The following ADGRL2 variants were observed in gnomAD, a reference collection of about 807,000 sequenced individuals.
The protein encoded by ADGRL2 is adhesion G protein-coupled receptor L2.
ADGRL2 carries 44 observed loss-of-function variants against 157.4 expected under a neutral mutation model. The ratio of observed to expected loss-of-function variants is 0.28; its 90% CI spans 0.22 to 0.36. The LOEUF (loss-of-function observed/expected upper bound fraction) is 0.36, where lower values mean the gene tolerates loss of function less well. ADGRL2 is among the 10% of genes least tolerant of loss of function. The pLI is 1.00. For missense variants in ADGRL2, 1,510 were observed against 1,768.9 expected, an observed-to-expected ratio of 0.85 and a Z score of 2.63; for synonymous variants, 585 against 624.7, an observed-to-expected ratio of 0.94 and a Z score of 0.95.
chr1:81,542,162 G>A (rs762932854), intron 2 of ADGRL2, among the ~76,000 whole-genome samples: 15 of 152,130 alleles, frequency 9.9e-5, no homozygotes, highest in South Asian at 4.1e-4. Flanking sequence ...TTCTCGCCCC[G>A]TACCACAGGT....
At chr1:81,573,293 G>A (rs1037781845) in intron 2 of ADGRL2, among the ~76,000 whole-genome samples, 3 of 151,972 alleles carry the variant, frequency 2.0e-5, no homozygotes, top group African/African-American at 4.8e-5. Context: ...GCCAAAAGAC[G>A]AGTAGATGAA....
intron 1 of ADGRL2, among the ~76,000 whole-genome samples, chr1:81,444,629 G>C (rs1340656542): frequency 6.6e-6 from 1 of 152,102 alleles, no homozygotes; most frequent in Non-Finnish European, 1.5e-5. Flanking sequence ...TCCAATGGTT[G>C]GCCTGCACGT....
chr1:81,322,159 C>T (rs12754559), intron 1 of ADGRL2, among the ~76,000 whole-genome samples: 12 of 137,718 alleles, frequency 8.7e-5, no homozygotes, highest in African/African-American at 3.2e-4. Context: ...CATATACATA[C>T]ACACATATGT....
chr1:81,931,575 A>G (rs910299261), intron 3 of ADGRL2, among the ~76,000 whole-genome samples: 35 of 152,288 alleles, frequency 2.3e-4, no homozygotes, highest in African/African-American at 8.2e-4. Flanking sequence ...AAAAATGATT[A>G]TATGTTTAGA....
intron 2 of ADGRL2, among the ~76,000 whole-genome samples, chr1:81,453,311 G>A (rs774878319): frequency 3.3e-5 from 5 of 152,066 alleles, no homozygotes; most frequent in Middle Eastern, 3.2e-3. Flanking sequence ...TCTGGAAATT[G>A]CGTTGGCACC....
intron 1 of ADGRL2, among the ~76,000 whole-genome samples, chr1:81,326,716 G>A (rs1660925110): frequency 1.3e-5 from 2 of 152,190 alleles, no homozygotes; most frequent in African/African-American, 4.8e-5. Context: ...TTTCTCCACA[G>A]CAGAAATACT....
At chr1:81,802,574 T>A (rs1021687736) in intron 1 of ADGRL2, among the ~76,000 whole-genome samples, 1 of 152,136 alleles carries the variant, frequency 6.6e-6, no homozygotes, top group African/African-American at 2.4e-5. Context: ...ATGCATTTTT[T>A]AATTTCATAA....
intron 2 of ADGRL2, among the ~76,000 whole-genome samples, chr1:81,574,433 A>G (rs1474701940): frequency 6.6e-6 from 1 of 152,150 alleles, no homozygotes; most frequent in Non-Finnish European, 1.5e-5. Flanking sequence ...CATGGATTAA[A>G]ATTCAATACC....
intron 1 of ADGRL2, among the ~76,000 whole-genome samples, chr1:81,442,425 A>T (rs758171625): frequency 6.6e-6 from 1 of 152,226 alleles, no homozygotes; most frequent in Non-Finnish European, 1.5e-5. Context: ...TTAAAATTAC[A>T]TCTATTACCT....
chr1:81,384,703 A>G (rs939646317), intron 1 of ADGRL2, among the ~76,000 whole-genome samples: 3 of 152,148 alleles, frequency 2.0e-5, no homozygotes, highest in African/African-American at 7.2e-5. Flanking sequence ...ACATTTGAAT[A>G]CCTTCTGATC....
At chr1:81,967,355 G>A (rs1019522837) in intron 13 of ADGRL2, among the ~76,000 whole-genome samples, 3 of 151,108 alleles carry the variant, frequency 2.0e-5, no homozygotes, top group Non-Finnish European at 4.4e-5. Flanking sequence ...TCCACCTCCC[G>A]GGTTCACGCC....
intron 2 of ADGRL2, among the ~76,000 whole-genome samples, chr1:81,777,679 C>G (rs758305684): frequency 6.6e-6 from 1 of 152,108 alleles, no homozygotes; most frequent in South Asian, 2.1e-4. Flanking sequence ...GAGAGGATCA[C>G]CTGAGCTCAG....
At chr1:81,780,741 A>G (rs2086778809) in intron 2 of ADGRL2, among the ~76,000 whole-genome samples, 1 of 152,180 alleles carries the variant, frequency 6.6e-6, no homozygotes, top group Non-Finnish European at 1.5e-5. Flanking sequence ...TTAATGATTT[A>G]ATCTGTAGGT....
chr1:81,341,371 C>CT (rs1256530629), intron 1 of ADGRL2, among the ~76,000 whole-genome samples: 2 of 152,106 alleles, frequency 1.3e-5, no homozygotes, highest in Non-Finnish European at 2.9e-5. Context: ...CATGTCATCT[C>CT]TGTGGCCTCT....
chr1:81,964,323 G>A (rs1656409615), intron 11 of ADGRL2, among the ~76,000 whole-genome samples: 2 of 152,040 alleles, frequency 1.3e-5, no homozygotes, highest in Admixed American at 6.5e-5. Flanking sequence ...AGATATGAAA[G>A]CTTCTTTCAA....
intron 1 of ADGRL2, among the ~76,000 whole-genome samples, chr1:81,756,954 G>A (rs2085713410): frequency 6.6e-6 from 1 of 152,120 alleles, no homozygotes; most frequent in Non-Finnish European, 1.5e-5. Context: ...ATGACATAAG[G>A]AAACGTTCAT....
intron 2 of ADGRL2, among the ~76,000 whole-genome samples, chr1:81,773,047 CT>C (rs1404595104): frequency 2.0e-5 from 3 of 152,132 alleles, no homozygotes; most frequent in African/African-American, 7.2e-5. Flanking sequence ...TCCCAAGCCC[CT>C]GATGGTGCTT....
At chr1:81,913,183 C>G (rs762927311) in intron 3 of ADGRL2, among the ~76,000 whole-genome samples, 10 of 152,142 alleles carry the variant, frequency 6.6e-5, no homozygotes, top group Non-Finnish European at 1.2e-4. Flanking sequence ...TTTCCCTTTT[C>G]TAAACTTATC....
intron 1 of ADGRL2, among the ~76,000 whole-genome samples, chr1:81,709,749 C>T (rs1203664842): frequency 1.3e-5 from 2 of 151,892 alleles, no homozygotes; most frequent in Non-Finnish European, 2.9e-5. Flanking sequence ...GAGGTGGGTA[C>T]TAAGTATGCC....
Sources: gnomAD v4.1 joint callset for allele counts (sites outside exome capture counted in the v4.1 genomes callset) on GRCh38, gnomAD v4.1.1 for gene constraint, MANE v1.5 for transcripts, NCBI Gene and HGNC (gene_info 2026-07-23, HGNC 2026-07-21) for gene names.